FRMD4A: variants seen among roughly 807,000 people sequenced by gnomAD.
FRMD4A encodes the protein FERM domain containing 4A.
In FRMD4A, 29 loss-of-function variants were observed where a neutral mutation model predicts 129.1. That is an observed-to-expected ratio of 0.22 (90% CI 0.17 to 0.31). The LOEUF is 0.31. FRMD4A is among the 10% of genes least tolerant of loss of function. FRMD4A has a pLI of 1.00. For missense variants in FRMD4A, 1,272 were observed against 1,375.8 expected (o/e 0.92, Z 1.19); for synonymous variants, 634 against 571.6 (o/e 1.11, Z -1.56).
intron 2 of FRMD4A, among the ~76,000 whole-genome samples, chr10:14,181,254 C>A (rs7087778): frequency 0.88 from 134,033 of 152,212 alleles, 60,215 homozygotes; most frequent in East Asian, 1. Context: ...ATTATTTTCC[C>A]GTGTTTGAAA....
intron 2 of FRMD4A, among the ~76,000 whole-genome samples, chr10:13,907,704 A>T (rs1158940616): frequency 6.6e-6 from 1 of 152,198 alleles, no homozygotes; most frequent in Non-Finnish European, 1.5e-5. Flanking sequence ...ACTTTAGGTG[A>T]TGAGCGCTGT....
chr10:13,869,051 A>G (rs538598117), intron 2 of FRMD4A, among the ~76,000 whole-genome samples: 35 of 152,302 alleles, frequency 2.3e-4, no homozygotes, highest in African/African-American at 8.2e-4. Context: ...AGCTCATCCT[A>G]GGGACGCTGC....
intron 4 of FRMD4A, among the ~76,000 whole-genome samples, chr10:13,797,965 T>C (rs1284199552): frequency 6.6e-6 from 1 of 151,962 alleles, no homozygotes; most frequent in African/African-American, 2.4e-5. Context: ...CCTGTGGCTA[T>C]ACGGAAGACT....
At chr10:14,054,259 C>A (rs1834400912) in intron 2 of FRMD4A, among the ~76,000 whole-genome samples, 1 of 152,166 alleles carries the variant, frequency 6.6e-6, no homozygotes, top group Non-Finnish European at 1.5e-5. Flanking sequence ...TGTCTCTGGC[C>A]TTTGTATCTC....
At chr10:13,984,254 G>A (rs2095573194) in intron 2 of FRMD4A, among the ~76,000 whole-genome samples, 1 of 152,190 alleles carries the variant, frequency 6.6e-6, no homozygotes, top group Non-Finnish European at 1.5e-5. Flanking sequence ...GAGCCCAGGG[G>A]TGAAGTTTCC....
chr10:13,725,556 T>C (rs545537370), intron 12 of FRMD4A, among the ~76,000 whole-genome samples: 1 of 152,240 alleles, frequency 6.6e-6, no homozygotes, highest in African/African-American at 2.4e-5. Context: ...TTTCTGTTCA[T>C]AGACAGGTCA....
At chr10:13,924,661 T>C (rs1242313433) in intron 2 of FRMD4A, among the ~76,000 whole-genome samples, 1 of 152,208 alleles carries the variant, frequency 6.6e-6, no homozygotes, top group Non-Finnish European at 1.5e-5. Context: ...ACAGATTTTA[T>C]ATTTGTTCAT....
At chr10:14,270,779 C>T (rs1845137760) in intron 2 of FRMD4A, among the ~76,000 whole-genome samples, 1 of 152,156 alleles carries the variant, frequency 6.6e-6, no homozygotes, top group South Asian at 2.1e-4. Flanking sequence ...GAGTGACGTT[C>T]CCACGGTACG....
At chr10:14,305,575 G>A (rs1218211717) in intron 2 of FRMD4A, among the ~76,000 whole-genome samples, 1 of 152,076 alleles carries the variant, frequency 6.6e-6, no homozygotes, top group Non-Finnish European at 1.5e-5. Context: ...GTCTCTGTTG[G>A]ACTCTTCTTG....
At chr10:13,842,238 C>T (rs1349543208) in intron 3 of FRMD4A, among the ~76,000 whole-genome samples, 1 of 152,226 alleles carries the variant, frequency 6.6e-6, no homozygotes, top group East Asian at 1.9e-4. Context: ...TCTATGCTCT[C>T]CTTCCTGTCT....
intron 4 of FRMD4A, among the ~76,000 whole-genome samples, chr10:13,798,098 T>C (rs2093162520): frequency 1.3e-5 from 2 of 151,976 alleles, no homozygotes; most frequent in East Asian, 3.9e-4. Context: ...TTGCTCTGAA[T>C]ATAGGAAAAG....
chr10:13,693,970 T>G lies in FRMD4A; in HGVS notation c.1045A>C (p.Thr349Pro), dbSNP rs1338338191. 3 of 1,572,758 alleles carry G rather than the reference T, an allele frequency of 1.9e-6. No homozygotes were observed. The change falls in exon 15 of 25, where the codon ACC (threonine) becomes CCC (proline). Residue 349 changes from threonine (T) to proline (P), a missense_variant. Around this residue, in one of 2 missense-constraint regions of FRMD4A, gnomAD observed 300 missense variants for 483.6 expected, o/e 0.62. Coordinates refer to ENST00000357447, the MANE Select transcript of FRMD4A (RefSeq NM_018027.5). ...CTACCCATGTTGGCCAGCTTCGAGGTCTTCAGCGTCCCCGTCTCGGTCAGG... is the reference window on the plus strand; with the variant it reads ...CTACCCATGTTGGCCAGCTTCGAGGGCTTCAGCGTCCCCGTCTCGGTCAGG... Reference protein sequence around the residue: ...IDLTETGTLKTSKLANMGSKG... With the variant: ...IDLTETGTLKPSKLANMGSKG...
At chr10:14,277,210 C>A (rs1020184400) in intron 2 of FRMD4A, among the ~76,000 whole-genome samples, 4 of 152,162 alleles carry the variant, frequency 2.6e-5, no homozygotes, top group Admixed American at 2.6e-4. Context: ...AGAAGAAGCC[C>A]TCACAGTAAC....
intron 2 of FRMD4A, among the ~76,000 whole-genome samples, chr10:14,006,415 TC>T (rs2095662369): frequency 6.6e-6 from 1 of 152,190 alleles, no homozygotes; most frequent in Non-Finnish European, 1.5e-5. Context: ...GATACTATAT[TC>T]CCATATTGTC....
At chr10:13,916,594 G>A (rs2095010064) in intron 2 of FRMD4A, among the ~76,000 whole-genome samples, 1 of 152,218 alleles carries the variant, frequency 6.6e-6, no homozygotes, top group Non-Finnish European at 1.5e-5. Context: ...GAGGCTCCAA[G>A]GCTCAGTAAC....
At chr10:13,995,025 C>A (rs764652600) in intron 2 of FRMD4A, among the ~76,000 whole-genome samples, 15 of 152,216 alleles carry the variant, frequency 9.9e-5, no homozygotes, top group Non-Finnish European at 1.6e-4. Context: ...TGTGTACCAT[C>A]TGAGATAGAA....
At chr10:14,028,979 G>A (rs185719894) in intron 2 of FRMD4A, among the ~76,000 whole-genome samples, 38 of 152,286 alleles carry the variant, frequency 2.5e-4, no homozygotes, top group Admixed American at 7.2e-4. Flanking sequence ...TCAAAGCTTG[G>A]TGGCCACCTA....
chr10:14,281,408 G>A (rs1845516665), intron 2 of FRMD4A, among the ~76,000 whole-genome samples: 1 of 152,258 alleles, frequency 6.6e-6, no homozygotes. Flanking sequence ...TGCTGTTTAT[G>A]CCGCAAGGCA....
chr10:13,810,770 A>G (rs1210406746), intron 4 of FRMD4A, 44 bp downstream of exon 4: 1 of 1,063,456 alleles, frequency 9.4e-7, no homozygotes, highest in African/African-American at 1.6e-5. Flanking sequence ...CGGGTTCTGC[A>G]CTGACTCTCC....
Sources: allele counts gnomAD v4.1 joint callset (sites outside exome capture counted in the v4.1 genomes callset), GRCh38; gene constraint gnomAD v4.1.1; regional missense constraint gnomAD v4.1.1; transcripts MANE v1.5; gene names NCBI Gene and HGNC (gene_info 2026-07-23, HGNC 2026-07-21).